Variants in UQCC1 observed in about 807,000 individuals in gnomAD.
UQCC1 encodes bFGF-repressed Zic-binding protein.
Under a neutral mutation model 48.0 loss-of-function variants are expected in UQCC1, and 38 were observed. The ratio of observed to expected loss-of-function variants is 0.79; its 90% CI spans 0.61 to 1.04. UQCC1 has a LOEUF of 1.04. Among genes scored for constraint, UQCC1 ranks in the 50% least tolerant of loss-of-function variants. UQCC1 has a pLI of 0.00. For synonymous variants in UQCC1, 111 were observed against 129.2 expected (o/e 0.86, Z 0.95); for missense variants, 368 against 381.8 (o/e 0.96, Z 0.30).
intron 1 of UQCC1, among the ~76,000 whole-genome samples, chr20:35,399,728 G>A (rs975157111): frequency 2.0e-5 from 3 of 151,542 alleles, no homozygotes; most frequent in African/African-American, 2.4e-5. Context: ...GTGGTGGCAG[G>A]TGCCTGTAAT....
intron 2 of UQCC1, among the ~76,000 whole-genome samples, chr20:35,391,725 T>TAA (rs375718160): frequency 2.7e-3 from 405 of 148,438 alleles, no homozygotes; most frequent in African/African-American, 8.2e-3. Context: ...AGGACATTCA[T>TAA]AAAAAAAAAA....
intron 8 of UQCC1, among the ~76,000 whole-genome samples, chr20:35,312,446 T>G (rs1458566550): frequency 6.6e-6 from 1 of 152,184 alleles, no homozygotes. Flanking sequence ...CCAAGCACTA[T>G]GCCAGGCCAC....
chr20:35,388,927 G>A (rs1254602264), intron 2 of UQCC1, among the ~76,000 whole-genome samples: 6 of 151,998 alleles, frequency 3.9e-5, no homozygotes, highest in African/African-American at 7.2e-5. Flanking sequence ...TTAGCTGGGC[G>A]TGGTGTGTGC....
intron 5 of UQCC1, among the ~76,000 whole-genome samples, chr20:35,370,734 T>C (rs974705472): frequency 6.6e-6 from 1 of 152,214 alleles, no homozygotes; most frequent in African/African-American, 2.4e-5. Context: ...AGTATAAACA[T>C]CAGTTTCCAA....
Position 35,308,968 on chromosome 20 carries a change from G to A in UQCC1, c.652-2189C>T, listed in dbSNP as rs145895144. Reference sequence around the variant, plus strand: ...TGACCTCAAGTGATCTGCCTGCTTCGGCCTCCCAAGTGCTGGGATTACAGG... The same window carrying A: ...TGACCTCAAGTGATCTGCCTGCTTCAGCCTCCCAAGTGCTGGGATTACAGG... On this transcript the variant is annotated intron_variant, in intron 8 of 9. Transcript: ENST00000374385. Among the ~76,000 whole-genome samples the A allele has an allele frequency of 5.5e-3, 839 of 152,200 alleles. 7 individuals carry two copies. The highest frequency in any genetic ancestry group is 0.019 in the African/African-American group (780 of 41,530).
Position 35,358,080 on chromosome 20 carries a change from G to A in UQCC1, c.464+8477C>T, listed in dbSNP as rs560150153. On this transcript the variant is annotated intron_variant, in intron 6 of 9. Transcript: ENST00000374385. ...CTGCCCTTAAGAATGCAGGCTGGGC[G>A]CGCTGGCTCATGCCTGTAATCCCAG... is the stretch of plus-strand genomic sequence containing the variant. 2.6e-4 allele frequency among the ~76,000 whole-genome samples: 39 copies of A among 152,200 alleles called. 1 individual carries two copies. Among genetic ancestry groups the A allele is most frequent in the African/African-American group, 7.9e-4 (33 of 41,528 alleles).
chr20:35,348,969 T>A (rs772266643), intron 6 of UQCC1, among the ~76,000 whole-genome samples: 13 of 152,116 alleles, frequency 8.5e-5, no homozygotes, highest in Non-Finnish European at 1.5e-4. Context: ...ATAATTTTTA[T>A]TGTTTCTCAT....
rs1265919945 is a variant in UQCC1, at chr20:35,306,314, G to A, written c.765+352C>T. The stretch of plus-strand genomic sequence containing the variant: ...GAGAAGGGGTCCACAGTGGGCAGCT[G>A]CTACTACACCACGTGCTCATATCTG... On this transcript the variant is annotated intron_variant, in intron 9 of 9. Coordinates refer to ENST00000374385, the MANE Select transcript of UQCC1 (RefSeq NM_018244.5). 11 of 239,580 alleles carry A rather than the reference G, an allele frequency of 4.6e-5. No homozygotes were observed. The East Asian group carries it at 1.1e-3, about 24-fold the overall frequency. The allele number at this position is 239,580 out of a possible 1,614,324, so 14.8% of individuals were successfully genotyped here.
At position 35,405,315 on chromosome 20, in the gene UQCC1, A is replaced by G. The variant is rs139662789; in HGVS notation, c.24+6625T>C. ...CCACAAACAACAAAGAATACAGACT[A>G]CAGAATCAATTCAGAAAAGTCACTA... On this transcript the variant is annotated intron_variant, in intron 1 of 9. Coordinates refer to ENST00000374385, the MANE Select transcript of UQCC1 (RefSeq NM_018244.5). Among the ~76,000 whole-genome samples, 230 of 152,356 alleles carry G rather than the reference A, an allele frequency of 1.5e-3. 1 individual carries two copies. The highest frequency in any genetic ancestry group is 6.8e-3 in the Middle Eastern group (2 of 294).
intron 6 of UQCC1, among the ~76,000 whole-genome samples, chr20:35,351,128 C>T (rs2061485716): frequency 6.6e-6 from 1 of 152,052 alleles, no homozygotes; most frequent in East Asian, 1.9e-4. Context: ...TGGTGGCTTA[C>T]ACCTGTAATC....
chr20:35,393,473 TAC>T (rs372268386), intron 2 of UQCC1, among the ~76,000 whole-genome samples: 69 of 134,900 alleles, frequency 5.1e-4, no homozygotes, highest in Admixed American at 7.9e-4. Context: ...TACATATACA[TAC>T]ACACACACAC....
At chr20:35,371,846 C>T (rs1295734065) in intron 5 of UQCC1, among the ~76,000 whole-genome samples, 1 of 150,878 alleles carries the variant, frequency 6.6e-6, no homozygotes, top group Non-Finnish European at 1.5e-5. Context: ...CCTGTCTCTA[C>T]AAAAAATAAA....
chr20:35,312,579 A>C (rs563307666), intron 8 of UQCC1, among the ~76,000 whole-genome samples: 2 of 152,316 alleles, frequency 1.3e-5, no homozygotes, highest in East Asian at 3.9e-4. Context: ...GAGCTGAGTC[A>C]CAGGAAGTTC....
chr20:35,344,385 A>T (rs2061411401), intron 7 of UQCC1: 1 of 152,394 alleles, frequency 6.6e-6, no homozygotes, highest in South Asian at 2.1e-4. Context: ...ATGGCTCATT[A>T]AGCTATTCAG....
chr20:35,401,475 A>G (rs2062163717), intron 1 of UQCC1, among the ~76,000 whole-genome samples: 1 of 152,138 alleles, frequency 6.6e-6, no homozygotes, highest in Non-Finnish European at 1.5e-5. Context: ...ATGTTGACCC[A>G]TCTCAGCCAG....
In UQCC1 at chr20:35,322,917, G is replaced by A. The variant is rs1310790926; in HGVS notation, c.574-8152C>T. Among the ~76,000 whole-genome samples the A allele has an allele frequency of 6.6e-5, 10 of 151,386 alleles. No homozygotes were observed. In the East Asian group the frequency reaches 9.9e-4, roughly 15 times the overall value. ...GGCTGGAGTGCAGTGGGACCATCTCGGCTCACTGCAAGCTCCGCCTCCCGG... is the reference window on the plus strand; with the variant it reads ...GGCTGGAGTGCAGTGGGACCATCTCAGCTCACTGCAAGCTCCGCCTCCCGG... On this transcript the variant is annotated intron_variant, in intron 7 of 9. Coordinates refer to ENST00000374385, the MANE Select transcript of UQCC1 (RefSeq NM_018244.5).
intron 6 of UQCC1, among the ~76,000 whole-genome samples, chr20:35,351,969 C>T (rs1004118945): frequency 3.3e-5 from 5 of 152,180 alleles, no homozygotes; most frequent in African/African-American, 1.2e-4. Context: ...AAACTAGAAC[C>T]CAGCTTTTAT....
intron 1 of UQCC1, 128 bp downstream of exon 1, chr20:35,411,812 G>A (rs2062370128): frequency 7.9e-7 from 1 of 1,268,432 alleles, no homozygotes; most frequent in Non-Finnish European, 1.1e-6. Context: ...CCACGGAAAA[G>A]CGGCCACTCA....
intron 4 of UQCC1, among the ~76,000 whole-genome samples, chr20:35,374,529 C>A (rs1335160987): frequency 6.6e-6 from 1 of 152,220 alleles, no homozygotes; most frequent in Non-Finnish European, 1.5e-5. Flanking sequence ...TTAATTCCAA[C>A]CTACTTCACC....
Sources: gnomAD v4.1 joint callset for allele counts (sites outside exome capture counted in the v4.1 genomes callset) on GRCh38, gnomAD v4.1.1 for gene constraint, MANE v1.5 for transcripts, NCBI Gene and HGNC (gene_info 2026-07-23, HGNC 2026-07-21) for gene names.